Variants in NBEA observed in about 807,000 individuals in gnomAD.
NBEA encodes lysosomal-trafficking regulator 2.
NBEA carries 44 observed loss-of-function variants against 343.4 expected under a neutral mutation model. The ratio of observed to expected loss-of-function variants is 0.13; its 90% CI spans 0.10 to 0.16. The LOEUF (loss-of-function observed/expected upper bound fraction) is 0.16, where lower values mean the gene tolerates loss of function less well. NBEA is among the 10% of genes least tolerant of loss of function. NBEA has a pLI of 1.00. For synonymous variants in NBEA, 1,175 were observed against 1,238.7 expected (o/e 0.95, Z 1.08); for missense variants, 2,555 against 3,631.3 (o/e 0.70, Z 7.62).
At chr13:35,153,895 G>A (rs975665324) in intron 18 of NBEA, among the ~76,000 whole-genome samples, 1 of 152,122 alleles carries the variant, frequency 6.6e-6, no homozygotes, top group Non-Finnish European at 1.5e-5. Flanking sequence ...GGTCTTCGGG[G>A]CAAGTTGTTG....
chr13:35,386,300 G>A (rs1042537367), intron 38 of NBEA, among the ~76,000 whole-genome samples: 26 of 152,062 alleles, frequency 1.7e-4, no homozygotes, highest in African/African-American at 6.0e-4. Flanking sequence ...TGGATGACTT[G>A]AGCAAAATTC....
At chr13:35,164,544 T>A (rs1348546756) in intron 24 of NBEA, 35 bp downstream of exon 24, 1 of 1,585,294 alleles carries the variant, frequency 6.3e-7, no homozygotes, top group South Asian at 1.1e-5. Flanking sequence ...GGTTATATTT[T>A]ATAAATACAT....
chr13:35,504,725 T>C (rs1165361507), intron 41 of NBEA, among the ~76,000 whole-genome samples: 1 of 152,052 alleles, frequency 6.6e-6, no homozygotes, highest in African/African-American at 2.4e-5. Flanking sequence ...CTTGACCTCC[T>C]GGGATCAATC....
intron 47 of NBEA, among the ~76,000 whole-genome samples, chr13:35,594,616 G>A (rs766795410): frequency 1.3e-5 from 2 of 151,984 alleles, no homozygotes; most frequent in African/African-American, 4.8e-5. Context: ...CAACTTTGCT[G>A]AGACTTAAAC....
intron 38 of NBEA, among the ~76,000 whole-genome samples, chr13:35,363,817 T>G (rs2040950890): frequency 6.6e-6 from 1 of 151,950 alleles, no homozygotes; most frequent in Non-Finnish European, 1.5e-5. Context: ...AGCTAAATGA[T>G]TAATTCTAAC....
intron 41 of NBEA, among the ~76,000 whole-genome samples, chr13:35,493,071 A>G (rs540470539): frequency 2.6e-5 from 4 of 152,136 alleles, no homozygotes; most frequent in East Asian, 3.9e-4. Flanking sequence ...TAGATTGTCT[A>G]TATGAATACT....
At chr13:35,181,449 T>C (rs2152730238) in intron 28 of NBEA, among the ~76,000 whole-genome samples, 1 of 152,002 alleles carries the variant, frequency 6.6e-6, no homozygotes, top group South Asian at 2.1e-4. Flanking sequence ...TGTTGTTGGC[T>C]ATTTGTATAT....
chr13:35,051,601 G>C (rs2063067936), intron 6 of NBEA, among the ~76,000 whole-genome samples: 1 of 151,782 alleles, frequency 6.6e-6, no homozygotes, highest in Non-Finnish European at 1.5e-5. Context: ...CAATGATTCT[G>C]AATAAATATA....
chr13:35,119,038 A>T (rs1334565403), intron 16 of NBEA, among the ~76,000 whole-genome samples: 1 of 152,166 alleles, frequency 6.6e-6, no homozygotes, highest in Non-Finnish European at 1.5e-5. Flanking sequence ...ATTAAAGATG[A>T]TGACTTGAGA....
At chr13:35,646,136 C>A (rs2084217719) in intron 50 of NBEA, 123 bp from the exon 51 acceptor site, 3 of 778,626 alleles carry the variant, frequency 3.9e-6, no homozygotes, top group South Asian at 3.5e-5. Flanking sequence ...GAAAAGAGCA[C>A]CCGTTGAATT....
intron 36 of NBEA, among the ~76,000 whole-genome samples, chr13:35,331,184 C>A (rs558319794): frequency 2.6e-5 from 4 of 151,958 alleles, no homozygotes; most frequent in African/African-American, 9.7e-5. Flanking sequence ...TTTTCAGGTA[C>A]TTTTTAGTGA....
chr13:35,329,217 C>T (rs1428814492), intron 36 of NBEA, among the ~76,000 whole-genome samples: 2 of 151,936 alleles, frequency 1.3e-5, no homozygotes, highest in Non-Finnish European at 2.9e-5. Flanking sequence ...TGTGGAGCCA[C>T]GGGAACACTT....
intron 1 of NBEA, among the ~76,000 whole-genome samples, chr13:34,995,255 C>CTTGAGGT (rs2060899321): frequency 6.6e-6 from 1 of 152,016 alleles, no homozygotes; most frequent in Non-Finnish European, 1.5e-5. Context: ...GAGTTTGAGA[C>CTTGAGGT]CAGCCTGCCC....
chr13:35,430,255 A>G (rs1244858504), intron 38 of NBEA, among the ~76,000 whole-genome samples: 2 of 152,130 alleles, frequency 1.3e-5, no homozygotes, highest in South Asian at 2.1e-4. Flanking sequence ...CCATTTGTCA[A>G]TCTTATTTTG....
At chr13:35,314,477 C>A (rs1053848789) in intron 36 of NBEA, among the ~76,000 whole-genome samples, 2 of 152,124 alleles carry the variant, frequency 1.3e-5, no homozygotes, top group East Asian at 3.9e-4. Flanking sequence ...GGATTAGGTA[C>A]CTTTCTCTGT....
intron 17 of NBEA, among the ~76,000 whole-genome samples, chr13:35,124,535 CAT>C (rs1027058054): frequency 8.7e-5 from 13 of 149,022 alleles, no homozygotes; most frequent in African/African-American, 3.2e-4. Context: ...TATATACACA[CAT>C]ATATGGATAT....
At position 35,232,484 on chromosome 13, in the gene NBEA, T is replaced by A; in HGVS notation, c.5649-8T>A. 4 of 1,525,964 alleles carry A rather than the reference T, an allele frequency of 2.6e-6. No individual in the cohort carries two copies. The highest frequency in any genetic ancestry group is 3.5e-6 in the Non-Finnish European group (4 of 1,132,600). 94.5% of individuals were successfully genotyped at this position (1,525,964 alleles called of 1,614,324 possible). On this transcript the variant is annotated splice_region_variant and splice_polypyrimidine_tract_variant and intron_variant, in intron 33 of 58. Transcript: ENST00000379939. ...TATTTATTAGTTTTTATGTCTTAAT[T>A]TCAACAGCATCACTGCAAAACTTGA...
chr13:35,012,737 G>T (rs968848689), intron 1 of NBEA, among the ~76,000 whole-genome samples: 15 of 152,130 alleles, frequency 9.9e-5, no homozygotes, highest in African/African-American at 3.6e-4. Context: ...ATAGTCTTGT[G>T]CCTGTGAATT....
intron 38 of NBEA, among the ~76,000 whole-genome samples, chr13:35,363,594 C>T (rs2040935692): frequency 1.3e-5 from 2 of 151,838 alleles, no homozygotes; most frequent in South Asian, 4.1e-4. Flanking sequence ...ATTCTCAGGT[C>T]TCCTGAATTC....
Sources: gnomAD v4.1 joint callset for allele counts (sites outside exome capture counted in the v4.1 genomes callset) on GRCh38, gnomAD v4.1.1 for gene constraint, MANE v1.5 for transcripts, NCBI Gene and HGNC (gene_info 2026-07-23, HGNC 2026-07-21) for gene names.